The following EPS15 variants were observed in gnomAD, a reference collection of about 807,000 sequenced individuals.
EPS15 encodes the protein epidermal growth factor receptor pathway substrate 15, also known as epidermal growth factor receptor substrate 15.
Under a neutral mutation model 113.8 loss-of-function variants are expected in EPS15, and 72 were observed. That is an observed-to-expected ratio of 0.63 (90% CI 0.52 to 0.77). EPS15 has a LOEUF of 0.77. EPS15 is among the 30% of genes least tolerant of loss of function. EPS15 has a pLI of 0.00. For synonymous variants in EPS15, 344 were observed against 363.4 expected, an observed-to-expected ratio of 0.95 and a Z score of 0.61; for missense variants, 1,048 against 1,045.8, an observed-to-expected ratio of 1.00 and a Z score of -0.03.
At chr1:51,463,844 A>AT in intron 6 of EPS15, 46 bp from the exon 7 acceptor site, 1 of 1,232,888 alleles carries the variant, frequency 8.1e-7, no homozygotes, top group Non-Finnish European at 1.2e-6. Flanking sequence ...AGAGAAAAGG[A>AT]TTTAACTGCA....
chr1:51,474,953 T>C (rs1457680196), intron 2 of EPS15, among the ~76,000 whole-genome samples: 2 of 151,948 alleles, frequency 1.3e-5, no homozygotes, highest in South Asian at 2.1e-4. Flanking sequence ...GTCCTTGCGA[T>C]AGTTTGCTCA....
intron 8 of EPS15, among the ~76,000 whole-genome samples, chr1:51,459,482 C>A (rs1437562738): frequency 6.6e-6 from 1 of 151,738 alleles, no homozygotes; most frequent in African/African-American, 2.4e-5. Flanking sequence ...GGCAACAGAG[C>A]AAGACTCTGT....
chr1:51,453,669 A>C lies in EPS15; in HGVS notation c.562-5534T>G, dbSNP rs957588846. ...AAAAGTATAAAAAATTTTATTAATA[A>C]GAATAATAAAAGTATCAAACTCCTG... is the stretch of plus-strand genomic sequence containing the variant. On this transcript the variant is annotated intron_variant, in intron 8 of 24. Transcript: ENST00000371733. 2.6e-5 allele frequency among the ~76,000 whole-genome samples: 4 copies of C among 152,308 alleles called. No homozygotes were observed. The South Asian group carries it at 8.3e-4, about 32-fold the overall frequency.
intron 1 of EPS15, among the ~76,000 whole-genome samples, chr1:51,503,650 A>T (rs1644450656): frequency 6.6e-6 from 1 of 152,190 alleles, no homozygotes; most frequent in Admixed American, 6.5e-5. Context: ...AAAAAATAAA[A>T]AATAAAAAAG....
intron 12 of EPS15, among the ~76,000 whole-genome samples, chr1:51,428,897 T>G (rs1013796042): frequency 2.0e-5 from 3 of 151,634 alleles, no homozygotes; most frequent in Non-Finnish European, 2.9e-5. Flanking sequence ...GACCAGAATT[T>G]TATTTGTGTC....
At chr1:51,364,062 T>C (rs1398897549) in intron 22 of EPS15, 34 bp from the exon 23 acceptor site, 3 of 1,534,328 alleles carry the variant, frequency 2.0e-6, no homozygotes, top group Admixed American at 1.9e-5. Context: ...TACATGGCTA[T>C]ACCAAGCAAA....
At chr1:51,449,249 T>C (rs1220251976) in intron 8 of EPS15, among the ~76,000 whole-genome samples, 4 of 152,128 alleles carry the variant, frequency 2.6e-5, no homozygotes, top group Non-Finnish European at 5.9e-5. Context: ...CATGGAATAC[T>C]ACACAGCCAC....
chr1:51,446,371 C>A (rs1163616480), intron 10 of EPS15, among the ~76,000 whole-genome samples: 1 of 151,364 alleles, frequency 6.6e-6, no homozygotes, highest in African/African-American at 2.4e-5. Flanking sequence ...TATCTGGATT[C>A]TCTCTGAAAA....
chr1:51,399,251 A>G, intron 19 of EPS15, 86 bp from the exon 20 acceptor site: 2 of 1,310,222 alleles, frequency 1.5e-6, no homozygotes, highest in Non-Finnish European at 2.1e-6. Flanking sequence ...TCAGTGCCTT[A>G]ATTAAAAGAC....
chr1:51,408,581 T>C (rs928487057), intron 14 of EPS15, among the ~76,000 whole-genome samples: 2 of 151,768 alleles, frequency 1.3e-5, no homozygotes, highest in African/African-American at 2.4e-5. Flanking sequence ...TGCCCAGCCA[T>C]ACCTAGCCCT....
intron 1 of EPS15, among the ~76,000 whole-genome samples, chr1:51,491,462 T>C (rs2148537519): frequency 6.6e-6 from 1 of 152,278 alleles, no homozygotes; most frequent in East Asian, 1.9e-4. Flanking sequence ...AGACAGAACA[T>C]TTAGAAGCTT....
intron 12 of EPS15, chr1:51,423,154 C>G: frequency 2.5e-6 from 3 of 1,215,142 alleles, no homozygotes; most frequent in Non-Finnish European, 1.1e-6. Flanking sequence ...ACAAATAAAG[C>G]TATTTGTACA....
At chr1:51,499,289 G>A (rs2148548227) in intron 1 of EPS15, among the ~76,000 whole-genome samples, 1 of 152,214 alleles carries the variant, frequency 6.6e-6, no homozygotes, top group Admixed American at 6.5e-5. Context: ...AAGTCTTCAA[G>A]GTTTCTTCAT....
At chr1:51,451,633 G>A (rs1054792414) in intron 8 of EPS15, among the ~76,000 whole-genome samples, 1 of 151,516 alleles carries the variant, frequency 6.6e-6, no homozygotes, top group Admixed American at 6.6e-5. Context: ...TTTTTTCACT[G>A]TATATCTTCT....
chr1:51,480,692 A>G (rs1352874587), intron 2 of EPS15, among the ~76,000 whole-genome samples: 1 of 152,084 alleles, frequency 6.6e-6, no homozygotes, highest in African/African-American at 2.4e-5. Flanking sequence ...TTTGTATTTT[A>G]GTAGAGACAG....
chr1:51,437,901 T>C (rs1652287041), intron 12 of EPS15, among the ~76,000 whole-genome samples: 1 of 152,144 alleles, frequency 6.6e-6, no homozygotes, highest in South Asian at 2.1e-4. Flanking sequence ...TCCTGTTTTG[T>C]AGTCATACTC....
At chr1:51,440,246 GGGGA>G (rs1652477799) in intron 12 of EPS15, 97 bp downstream of exon 12, 2 of 448,080 alleles carry the variant, frequency 4.5e-6, no homozygotes, top group Non-Finnish European at 8.0e-6. Context: ...AGGTGTGTGT[GGGGA>G]GGAAGTTGTA....
At chr1:51,382,699 G>A (rs1015313127) in intron 21 of EPS15, among the ~76,000 whole-genome samples, 2 of 152,054 alleles carry the variant, frequency 1.3e-5, no homozygotes, top group Non-Finnish European at 2.9e-5. Context: ...GATTACAGGC[G>A]TGAGCCACTG....
intron 5 of EPS15, among the ~76,000 whole-genome samples, chr1:51,467,792 G>C (rs1654952757): frequency 6.6e-6 from 1 of 152,070 alleles, no homozygotes; most frequent in South Asian, 2.1e-4. Flanking sequence ...CTACTTATAA[G>C]AATCTAATGC....
Sources: gnomAD v4.1 joint callset for allele counts (sites outside exome capture counted in the v4.1 genomes callset) on GRCh38, gnomAD v4.1.1 for gene constraint, MANE v1.5 for transcripts, NCBI Gene and HGNC (gene_info 2026-07-23, HGNC 2026-07-21) for gene names.